The following LMO7 variants were observed in gnomAD, a reference collection of about 807,000 sequenced individuals.
LMO7 encodes LIM domain 7.
In LMO7, 120 loss-of-function variants were observed where a neutral mutation model predicts 206.5. That is an observed-to-expected ratio of 0.58 (90% confidence interval 0.50 to 0.68). The LOEUF is 0.68. LMO7 is among the 30% of genes least tolerant of loss of function. The probability of loss-of-function intolerance (pLI) is 0.00; values close to 1 mark genes in which losing one functional copy is unlikely to be tolerated. For synonymous variants in LMO7, 706 were observed against 681.5 expected (o/e 1.04, Z -0.56); for missense variants, 1,959 against 1,957.9 (o/e 1.00, Z -0.01).
Position 75,858,193 on chromosome 13 carries a change from G to A in LMO7, c.*250G>A. On this transcript the variant is annotated 3_prime_UTR_variant, in exon 31 of 31. Transcript: ENST00000377534. ...ACCTGTTGAATTCAGCATCTTGAGA[G>A]CACAAGGGAAAAAATAAGAACCTAC... 2.6e-6 allele frequency: 1 copy of A among 379,052 alleles called. No individual in the cohort carries two copies. The highest frequency in any genetic ancestry group is 4.7e-6 in the Non-Finnish European group (1 of 212,974). 23.5% of individuals were successfully genotyped at this position (379,052 alleles called of 1,614,324 possible).
chr13:75,786,896 C>T (rs2052531173), intron 4 of LMO7, among the ~76,000 whole-genome samples: 1 of 152,294 alleles, frequency 6.6e-6, no homozygotes, highest in Non-Finnish European at 1.5e-5. Context: ...ATTTTCATTG[C>T]TGCAGTTACC....
chr13:75,668,475 C>T (rs1202896557), intron 1 of LMO7, among the ~76,000 whole-genome samples: 1 of 152,172 alleles, frequency 6.6e-6, no homozygotes, highest in South Asian at 2.1e-4. Flanking sequence ...ACTCTGTCCT[C>T]TTATTTCTGA....
intron 13 of LMO7, among the ~76,000 whole-genome samples, chr13:75,820,068 T>C (rs1290341971): frequency 6.6e-6 from 1 of 152,232 alleles, no homozygotes; most frequent in Non-Finnish European, 1.5e-5. Flanking sequence ...AAAGCATTCA[T>C]TACTGTGTGA....
At chr13:75,801,319 A>C (rs887748224) in intron 7 of LMO7, among the ~76,000 whole-genome samples, 22 of 152,158 alleles carry the variant, frequency 1.4e-4, no homozygotes, top group African/African-American at 5.3e-4. Context: ...TCTCTTAAGC[A>C]AAAAAAGAAA....
intron 2 of LMO7, among the ~76,000 whole-genome samples, chr13:75,725,514 A>G (rs2044396301): frequency 6.6e-6 from 1 of 152,274 alleles, no homozygotes; most frequent in Admixed American, 6.5e-5. Context: ...CACCAGTAAC[A>G]GAAATATAGA....
intron 1 of LMO7, among the ~76,000 whole-genome samples, chr13:75,657,530 C>T (rs1327556452): frequency 6.6e-6 from 1 of 151,578 alleles, no homozygotes; most frequent in East Asian, 1.9e-4. Context: ...AACGAGAACT[C>T]TCAGATAATA....
At chr13:75,644,247 T>A (rs1346542308) in intron 1 of LMO7, among the ~76,000 whole-genome samples, 1 of 152,182 alleles carries the variant, frequency 6.6e-6, no homozygotes, top group East Asian at 1.9e-4. Flanking sequence ...ACATATCTTA[T>A]AATGGACTAT....
intron 21 of LMO7, 41 bp from the exon 22 acceptor site, chr13:75,840,345 AGTTAT>A: frequency 2.5e-6 from 4 of 1,605,498 alleles, no homozygotes; most frequent in Non-Finnish European, 3.4e-6. Flanking sequence ...GACTTAATGA[AGTTAT>A]GTTGTTCTCT....
chr13:75,700,999 G>C (rs1165366024), intron 1 of LMO7, among the ~76,000 whole-genome samples: 2 of 152,094 alleles, frequency 1.3e-5, no homozygotes, highest in South Asian at 4.1e-4. Context: ...TTTACACCAT[G>C]TTCTATTTGT....
Position 75,805,733 on chromosome 13 carries a change from C to T in LMO7, c.1169C>T (p.Pro390Leu). 1 of 1,613,898 alleles carries T rather than the reference C, an allele frequency of 6.2e-7. No homozygotes were observed. The highest frequency in any genetic ancestry group is 1.1e-5 in the South Asian group (1 of 91,072). Residue 390 changes from proline to leucine, a missense_variant, in exon 9 of 31, where the codon CCA becomes CTA. Pro to Leu is a moderately conservative substitution (Grantham distance 98). Coordinates refer to ENST00000377534, the MANE Select transcript of LMO7 (RefSeq NM_001306080.2). ...WKRIKRETYK[P>L]WYKEFQGFSQ... is the part of the protein sequence containing the mutation. ...AGAATAAAAAGGGAAACTTATAAGC[C>T]ATGGTATAAAGAATTTCAGGGATTC...
chr13:75,840,192 T>A, intron 21 of LMO7, 82 bp downstream of exon 21: 2 of 1,450,828 alleles, frequency 1.4e-6, no homozygotes, highest in Non-Finnish European at 1.9e-6. Flanking sequence ...TTACCATGAT[T>A]TTAGGTTGCA....
At chr13:75,629,012 C>T (rs1005061494) in intron 2 of LMO7, among the ~76,000 whole-genome samples, 4 of 152,200 alleles carry the variant, frequency 2.6e-5, no homozygotes, top group Admixed American at 6.5e-5. Context: ...GGACGTCTGG[C>T]GGTGTCTGGA....
At chr13:75,723,509 GA>G (rs1161170486) in intron 2 of LMO7, among the ~76,000 whole-genome samples, 5 of 152,168 alleles carry the variant, frequency 3.3e-5, no homozygotes, top group African/African-American at 1.2e-4. Context: ...CTGATAAAGG[GA>G]AAAATGAGAT....
chr13:75,759,428 A>C lies in LMO7; in HGVS notation c.211-1504A>C, dbSNP rs559378157. Among the ~76,000 whole-genome samples, 23 of 152,320 alleles carry C rather than the reference A, an allele frequency of 1.5e-4. No homozygotes were observed. The South Asian group carries it at 4.8e-3, about 32-fold the overall frequency. The stretch of plus-strand genomic sequence containing the variant: ...ACTTTTTAGAAACTATGGGCCTAAC[A>C]AAATTATCACATTTTGCTCCTCTTG... On this transcript the variant is annotated intron_variant, in intron 3 of 30. Transcript: ENST00000377534.
At chr13:75,654,256 A>C (rs1239301281) in intron 1 of LMO7, among the ~76,000 whole-genome samples, 1 of 152,232 alleles carries the variant, frequency 6.6e-6, no homozygotes, top group Non-Finnish European at 1.5e-5. Context: ...GAATGGCCAA[A>C]AAGGTTTGAG....
intron 3 of LMO7, among the ~76,000 whole-genome samples, chr13:75,729,128 A>G (rs1401749689): frequency 6.7e-6 from 1 of 149,540 alleles, no homozygotes; most frequent in African/African-American, 2.4e-5. Flanking sequence ...TTGGTTCCAT[A>G]TGAACTTTAA....
intron 1 of LMO7, among the ~76,000 whole-genome samples, chr13:75,680,867 A>G (rs2040425097): frequency 6.6e-6 from 1 of 152,002 alleles, no homozygotes. Flanking sequence ...AATAATTGCC[A>G]TTTTGACTGG....
intron 2 of LMO7, among the ~76,000 whole-genome samples, chr13:75,716,123 A>G (rs1221040773): frequency 2.0e-5 from 3 of 152,138 alleles, no homozygotes; most frequent in Non-Finnish European, 4.4e-5. Flanking sequence ...ATTCATTACC[A>G]CCATTAAAGA....
intron 4 of LMO7, among the ~76,000 whole-genome samples, chr13:75,787,579 G>GT (rs1314003851): frequency 6.6e-6 from 1 of 152,112 alleles, no homozygotes; most frequent in Non-Finnish European, 1.5e-5. Context: ...GAATTTCTAA[G>GT]TTTTTTTCTC....
Sources: allele counts gnomAD v4.1 joint callset (sites outside exome capture counted in the v4.1 genomes callset), GRCh38; gene constraint gnomAD v4.1.1; transcripts MANE v1.5; gene names NCBI Gene and HGNC (gene_info 2026-07-23, HGNC 2026-07-21).